Variants in DIP2C observed in about 807,000 individuals in gnomAD.
DIP2C encodes the protein DIP2 acetate--CoA ligase C (putative), also known as disco-interacting protein 2 homolog C.
A neutral mutation model predicts 192.4 loss-of-function variants in DIP2C; 33 were observed. That is an observed-to-expected ratio of 0.17 (90% CI 0.13 to 0.23). The LOEUF (loss-of-function observed/expected upper bound fraction) is 0.23. Among genes scored for constraint, DIP2C ranks in the 10% least tolerant of loss-of-function variants. DIP2C has a pLI of 1.00. For missense variants in DIP2C, 1,537 were observed against 2,110.1 expected (o/e 0.73, Z 5.32); for synonymous variants, 979 against 864.1 (o/e 1.13, Z -2.33).
intron 22 of DIP2C, among the ~76,000 whole-genome samples, chr10:361,897 C>T (rs1959566734): frequency 6.6e-6 from 1 of 152,136 alleles, no homozygotes; most frequent in African/African-American, 2.4e-5. Context: ...CCCTGCAACT[C>T]CACATTCCCC....
chr10:403,728 A>G (rs1285383008), intron 9 of DIP2C, among the ~76,000 whole-genome samples: 1 of 150,760 alleles, frequency 6.6e-6, no homozygotes, highest in African/African-American at 2.4e-5. Context: ...CTTATGGACA[A>G]GTTTGGTACA....
chr10:323,731 T>C (rs909553247), intron 31 of DIP2C, among the ~76,000 whole-genome samples: 3 of 152,222 alleles, frequency 2.0e-5, no homozygotes, highest in Non-Finnish European at 4.4e-5. Context: ...AATATTCTTT[T>C]ATAAAGAAAA....
chr10:416,581 A>C (rs1216605494), intron 6 of DIP2C, among the ~76,000 whole-genome samples: 3 of 152,184 alleles, frequency 2.0e-5, no homozygotes, highest in East Asian at 3.8e-4. Flanking sequence ...ACTAGCCCCT[A>C]CCTATCCAAG....
intron 1 of DIP2C, among the ~76,000 whole-genome samples, chr10:506,112 C>T (rs1051676014): frequency 1.3e-5 from 2 of 152,152 alleles, no homozygotes; most frequent in African/African-American, 4.8e-5. Flanking sequence ...CCTCACACTG[C>T]ATGGCATTGA....
chr10:598,150 G>T (rs1024035756), intron 1 of DIP2C, among the ~76,000 whole-genome samples: 3 of 152,198 alleles, frequency 2.0e-5, no homozygotes, highest in African/African-American at 7.2e-5. Context: ...GCAAAGAGTC[G>T]GAGACACCAG....
At chr10:472,400 G>A (rs1252091848) in intron 3 of DIP2C, 39 bp downstream of exon 3, 2 of 1,576,028 alleles carry the variant, frequency 1.3e-6, no homozygotes, top group African/African-American at 1.4e-5. Context: ...TGGCACAGGT[G>A]GCAGATGGAC....
At chr10:320,390 A>C (rs3125039) in intron 31 of DIP2C, among the ~76,000 whole-genome samples, 150,445 of 152,058 alleles carry the variant, frequency 0.99, 74,446 homozygotes, top group Middle Eastern at 1. Context: ...TGCCTGTAAT[A>C]CCAGCTACTT....
intron 1 of DIP2C, among the ~76,000 whole-genome samples, chr10:516,060 C>T (rs1359987087): frequency 6.6e-6 from 1 of 151,214 alleles, no homozygotes; most frequent in Non-Finnish European, 1.5e-5. Context: ...GGGATGGTTT[C>T]CACTTCCACG....
chr10:481,800 C>T lies in DIP2C; in HGVS notation c.157+4659G>A, dbSNP rs1038670711. Reference sequence around the variant, plus strand: ...ATCCTCGTACCACGGTAGGGACGGTCACTCAGTGGGGCGGGGGGAAGTGAG... The same window carrying T: ...ATCCTCGTACCACGGTAGGGACGGTTACTCAGTGGGGCGGGGGGAAGTGAG... On this transcript the variant is annotated intron_variant, in intron 2 of 36. Transcript: ENST00000280886. Among the ~76,000 whole-genome samples, 9 of 152,302 alleles carry T rather than the reference C, an allele frequency of 5.9e-5. No individual in the cohort carries two copies. The East Asian group carries it at 1.7e-3, about 29-fold the overall frequency.
At chr10:341,053 A>G in intron 29 of DIP2C, 146 bp downstream of exon 29, 1 of 1,126,616 alleles carries the variant, frequency 8.9e-7, no homozygotes, top group Non-Finnish European at 1.3e-6. Flanking sequence ...CCACCAGGAG[A>G]AGTAGAGGGA....
At chr10:549,053 A>C (rs1261175675) in intron 1 of DIP2C, among the ~76,000 whole-genome samples, 1 of 152,158 alleles carries the variant, frequency 6.6e-6, no homozygotes, top group African/African-American at 2.4e-5. Context: ...CTAGTTAGTC[A>C]GAATTAAAGG....
At chr10:514,642 T>C (rs564918403) in intron 1 of DIP2C, among the ~76,000 whole-genome samples, 97 of 152,024 alleles carry the variant, frequency 6.4e-4, no homozygotes, top group Non-Finnish European at 1.2e-3. Context: ...TCCTGGCCCC[T>C]GACACCGACC....
intron 1 of DIP2C, among the ~76,000 whole-genome samples, chr10:640,940 G>A (rs529671291): frequency 1.3e-5 from 2 of 152,174 alleles, no homozygotes; most frequent in Non-Finnish European, 2.9e-5. Flanking sequence ...CGTGCTCATC[G>A]GACTGGGCAC....
At chr10:596,571 G>C (rs1034688964) in intron 1 of DIP2C, among the ~76,000 whole-genome samples, 11 of 149,732 alleles carry the variant, frequency 7.3e-5, no homozygotes, top group Non-Finnish European at 1.3e-4. Context: ...TGCCACCGAG[G>C]TATCCTATAG....
chr10:505,944 T>C (rs1845569626), intron 1 of DIP2C, among the ~76,000 whole-genome samples: 1 of 152,116 alleles, frequency 6.6e-6, no homozygotes, highest in African/African-American at 2.4e-5. Context: ...AACAGGACAA[T>C]GGGGCAGGTT....
In DIP2C at chr10:281,299, A is replaced by G; in HGVS notation, c.4319T>C (p.Val1440Ala). 6.2e-7 allele frequency: 1 copy of G among 1,613,984 alleles called. No homozygotes were observed. Among genetic ancestry groups the G allele is most frequent in the Non-Finnish European group, 8.5e-7 (1 of 1,179,884 alleles). ...CTCCATGGCTTCGTCCAGTGCCCCT[A>G]CCACGTAGAGGGCATCATGGCGCTC... ...NGERHDALYVVGALDEAMELR... is the reference protein window; with the variant it reads ...NGERHDALYVAGALDEAMELR... Residue 1440 changes from valine (V) to alanine (A), a missense_variant, in exon 36 of 37, where the codon GTA becomes GCA. By Grantham distance (64) the Val-to-Ala change is moderately conservative. Around this residue, in one of 4 missense-constraint regions of DIP2C, gnomAD observed 341 missense variants for 551.7 expected, o/e 0.62. Transcript: ENST00000280886.
intron 29 of DIP2C, among the ~76,000 whole-genome samples, chr10:337,472 C>G (rs62638890): frequency 1.5e-5 from 2 of 131,646 alleles, no homozygotes; most frequent in African/African-American, 3.0e-5. Flanking sequence ...GAGGCCTAAG[C>G]TGATGTGTAT....
chr10:659,807 G>A (rs1448231492), intron 1 of DIP2C, among the ~76,000 whole-genome samples: 3 of 152,296 alleles, frequency 2.0e-5, no homozygotes, highest in African/African-American at 4.8e-5. Flanking sequence ...TTGTAAAAGC[G>A]TTTCTGTCTG....
intron 32 of DIP2C, among the ~76,000 whole-genome samples, chr10:299,582 T>C (rs1385643670): frequency 6.6e-6 from 1 of 152,228 alleles, no homozygotes. Context: ...GGATATGTCA[T>C]TTATTTCTTG....
Sources: gnomAD v4.1 joint callset for allele counts (sites outside exome capture counted in the v4.1 genomes callset) on GRCh38, gnomAD v4.1.1 for gene constraint, gnomAD v4.1.1 regional missense constraint, MANE v1.5 for transcripts, NCBI Gene and HGNC (gene_info 2026-07-23, HGNC 2026-07-21) for gene names.